RBFOX1: variants seen among roughly 807,000 people sequenced by gnomAD.
RBFOX1 encodes the protein RNA binding protein fox-1 homolog 1.
RBFOX1 carries 8 observed loss-of-function variants against 57.7 expected under a neutral mutation model. That is an observed-to-expected ratio of 0.14 (90% CI 0.08 to 0.25). RBFOX1 has a LOEUF of 0.25. Among genes scored for constraint, RBFOX1 ranks in the 10% least tolerant of loss-of-function variants. The pLI is 1.00. For missense variants in RBFOX1, 611 were observed against 548.5 expected (o/e 1.11, Z -1.14); for synonymous variants, 326 against 222.4 (o/e 1.47, Z -4.15).
chr16:5,308,122 T>C (rs1459460234), intron 1 of RBFOX1, among the ~76,000 whole-genome samples: 4 of 152,130 alleles, frequency 2.6e-5, no homozygotes, highest in Non-Finnish European at 5.9e-5. Flanking sequence ...GGCGGATTAC[T>C]TGAAGTCAGG....
intron 3 of RBFOX1, among the ~76,000 whole-genome samples, chr16:6,975,750 C>G (rs528788018): frequency 6.6e-6 from 1 of 152,284 alleles, no homozygotes; most frequent in South Asian, 2.1e-4. Flanking sequence ...GTTTTCTACT[C>G]CTATGACCCC....
At chr16:7,685,671 A>G (rs2075914654) in intron 14 of RBFOX1, among the ~76,000 whole-genome samples, 1 of 152,138 alleles carries the variant, frequency 6.6e-6, no homozygotes, top group Admixed American at 6.6e-5. Flanking sequence ...TGCAGTGAAT[A>G]TATAGAGGCA....
chr16:5,804,249 G>A (rs547430298), intron 3 of RBFOX1, among the ~76,000 whole-genome samples: 1 of 152,304 alleles, frequency 6.6e-6, no homozygotes, highest in South Asian at 2.1e-4. Flanking sequence ...TGGATGAATT[G>A]TTGGATAGGT....
intron 4 of RBFOX1, among the ~76,000 whole-genome samples, chr16:7,107,772 A>G (rs1185448331): frequency 6.6e-6 from 1 of 152,116 alleles, no homozygotes; most frequent in Non-Finnish European, 1.5e-5. Flanking sequence ...CACACAGAAT[A>G]AAAGTATTCT....
At chr16:7,384,491 A>C (rs2097845305) in intron 4 of RBFOX1, among the ~76,000 whole-genome samples, 1 of 152,190 alleles carries the variant, frequency 6.6e-6, no homozygotes, top group African/African-American at 2.4e-5. Context: ...CATGCCAAAC[A>C]TAGCTGAGTT....
intron 2 of RBFOX1, among the ~76,000 whole-genome samples, chr16:6,653,611 TGGTAGATGGATG>T (rs1373529644): frequency 6.6e-6 from 1 of 151,902 alleles, no homozygotes; most frequent in Non-Finnish European, 1.5e-5. Flanking sequence ...ATGAGTGGAA[TGGTAGATGGATG>T]GGTGGATGGA....
chr16:7,015,956 A>C (rs1597080133), intron 3 of RBFOX1, among the ~76,000 whole-genome samples: 1 of 152,124 alleles, frequency 6.6e-6, no homozygotes, highest in African/African-American at 2.4e-5. Flanking sequence ...TTCATCATTT[A>C]CCCATTATTT....
At chr16:7,641,584 A>G (rs966904183) in intron 11 of RBFOX1, among the ~76,000 whole-genome samples, 1 of 152,208 alleles carries the variant, frequency 6.6e-6, no homozygotes, top group Non-Finnish European at 1.5e-5. Context: ...AGGCACAACC[A>G]TCTATGGGTA....
chr16:6,965,544 C>A (rs2094593262), intron 3 of RBFOX1, among the ~76,000 whole-genome samples: 1 of 152,238 alleles, frequency 6.6e-6, no homozygotes, highest in South Asian at 2.1e-4. Context: ...ACCATGTTGG[C>A]CAGGCTGGTG....
chr16:5,405,984 C>G (rs1436589134), intron 1 of RBFOX1, among the ~76,000 whole-genome samples: 1 of 152,182 alleles, frequency 6.6e-6, no homozygotes, highest in African/African-American at 2.4e-5. Context: ...GGACTTGTCT[C>G]TCTCTGGACA....
intron 1 of RBFOX1, among the ~76,000 whole-genome samples, chr16:5,259,215 T>A (rs1219122953): frequency 6.6e-6 from 1 of 152,062 alleles, no homozygotes; most frequent in African/African-American, 2.4e-5. Context: ...TTTTCCATAG[T>A]TCCATGTTTC....
At chr16:5,534,762 C>T (rs554185500) in intron 2 of RBFOX1, among the ~76,000 whole-genome samples, 7 of 152,278 alleles carry the variant, frequency 4.6e-5, no homozygotes, top group South Asian at 2.1e-4. Context: ...CAATACTTCA[C>T]GAGCTATGTA....
At chr16:7,509,257 T>C (rs1390003304) in intron 4 of RBFOX1, among the ~76,000 whole-genome samples, 7 of 152,248 alleles carry the variant, frequency 4.6e-5, no homozygotes, top group African/African-American at 1.7e-4. Flanking sequence ...TATTTATTTT[T>C]TGTTTCTTGA....
At chr16:5,924,791 T>A (rs1442758699) in intron 4 of RBFOX1, among the ~76,000 whole-genome samples, 1 of 152,206 alleles carries the variant, frequency 6.6e-6, no homozygotes, top group African/African-American at 2.4e-5. Context: ...GATTTTTTGT[T>A]TCCATCTTCA....
At chr16:6,188,871 G>A (rs894546124) in intron 1 of RBFOX1, among the ~76,000 whole-genome samples, 2 of 150,662 alleles carry the variant, frequency 1.3e-5, no homozygotes, top group African/African-American at 5.0e-5. Flanking sequence ...AAAAGTAGTA[G>A]TGGACTAAAA....
chr16:6,999,207 T>TTTTA (rs59890948), intron 3 of RBFOX1, among the ~76,000 whole-genome samples: 2,561 of 95,494 alleles, frequency 0.027, 50 homozygotes, highest in African/African-American at 0.06. Context: ...TTATTTTTTA[T>TTTTA]TTTTATTTAT....
At chr16:7,396,900 C>T (rs1186658464) in intron 4 of RBFOX1, among the ~76,000 whole-genome samples, 1 of 152,074 alleles carries the variant, frequency 6.6e-6, no homozygotes, top group African/African-American at 2.4e-5. Context: ...TAGAAGATGC[C>T]ACTGCACTCC....
chr16:6,409,453 T>C (rs997124361), intron 2 of RBFOX1, among the ~76,000 whole-genome samples: 4 of 152,164 alleles, frequency 2.6e-5, no homozygotes, highest in African/African-American at 9.6e-5. Context: ...CCAAACACTT[T>C]GAAACTGGAA....
rs1288939180 is a variant in RBFOX1, at chr16:5,946,744, CT to C, written c.351+79410del. ...CTGAAGTGGGGCCAGTCTTGTGGGA[CT>C]GGGCCCTCAACCTGTGGAATCTGAT... is the stretch of plus-strand genomic sequence containing the variant. On this transcript the variant is annotated intron_variant, in intron 4 of 19. Coordinates refer to the RBFOX1 transcript ENST00000641259. The surrounding 1 kb of genome is among the most constrained non-coding windows in gnomAD (Gnocchi z 4.6). Among the ~76,000 whole-genome samples the C allele has an allele frequency of 1.3e-5, 2 of 152,134 alleles. No homozygotes were observed. The highest frequency in any genetic ancestry group is 2.9e-5 in the Non-Finnish European group (2 of 68,028).
Sources: allele counts gnomAD v4.1 joint callset (sites outside exome capture counted in the v4.1 genomes callset), GRCh38; gene constraint gnomAD v4.1.1; non-coding constraint Gnocchi (gnomAD v3.1); transcripts MANE v1.5; gene names NCBI Gene and HGNC (gene_info 2026-07-23, HGNC 2026-07-21).